The following CNTN1 variants were observed in gnomAD, a reference collection of about 807,000 sequenced individuals.
CNTN1 encodes the protein contactin-1.
Under a neutral mutation model 126.4 loss-of-function variants are expected in CNTN1, and 38 were observed. The ratio of observed to expected loss-of-function variants is 0.30; its 90% CI spans 0.23 to 0.39. The LOEUF is 0.39. Ranked by LOEUF, CNTN1 falls within the 10% of genes least tolerant of loss-of-function variation. CNTN1 has a pLI of 1.00. For synonymous variants in CNTN1, 413 were observed against 422.6 expected (o/e 0.98, Z 0.28); for missense variants, 1,009 against 1,248.4 (o/e 0.81, Z 2.89).
intron 1 of CNTN1, among the ~76,000 whole-genome samples, chr12:40,882,649 A>G (rs766023061): frequency 4.0e-5 from 6 of 151,624 alleles, no homozygotes; most frequent in Non-Finnish European, 8.9e-5. Context: ...CTCAGGATCT[A>G]TGCCATGCCT....
intron 1 of CNTN1, among the ~76,000 whole-genome samples, chr12:40,880,259 T>C (rs1056002814): frequency 6.6e-6 from 1 of 152,086 alleles, no homozygotes; most frequent in South Asian, 2.1e-4. Flanking sequence ...AGCTAGATTT[T>C]AGAGATCCAA....
chr12:40,856,985 ATAAC>A (rs1942935549), intron 1 of CNTN1, among the ~76,000 whole-genome samples: 2 of 152,170 alleles, frequency 1.3e-5, no homozygotes, highest in African/African-American at 4.8e-5. Flanking sequence ...TATACAATAT[ATAAC>A]ACACTGGACA....
At chr12:41,060,212 G>C (rs1007886172) in intron 23 of CNTN1, among the ~76,000 whole-genome samples, 1 of 151,994 alleles carries the variant, frequency 6.6e-6, no homozygotes, top group Non-Finnish European at 1.5e-5. Context: ...GCAATAGAAC[G>C]AGCAATTTTT....
chr12:40,850,186 A>G (rs1001352252), intron 1 of CNTN1, among the ~76,000 whole-genome samples: 2 of 152,142 alleles, frequency 1.3e-5, no homozygotes, highest in Non-Finnish European at 2.9e-5. Context: ...CTCTCCTTCC[A>G]TGGACATGCC....
At chr12:40,919,663 C>T (rs1415902333) in intron 4 of CNTN1, among the ~76,000 whole-genome samples, 2 of 152,046 alleles carry the variant, frequency 1.3e-5, no homozygotes, top group Admixed American at 1.3e-4. Context: ...TATCCCTTTC[C>T]ACCCATTTGA....
At chr12:40,777,333 A>G (rs1275719547) in intron 1 of CNTN1, among the ~76,000 whole-genome samples, 42 of 151,336 alleles carry the variant, frequency 2.8e-4, no homozygotes, top group Non-Finnish European at 8.9e-5. Context: ...TTCTGTGTGT[A>G]TATAATAATA....
At chr12:40,981,317 G>A (rs956667321) in intron 16 of CNTN1, among the ~76,000 whole-genome samples, 18 of 152,016 alleles carry the variant, frequency 1.2e-4, no homozygotes, top group Non-Finnish European at 2.1e-4. Flanking sequence ...GCAAAATGAG[G>A]CCTCCTGGGT....
At position 40,983,889 on chromosome 12, in the gene CNTN1, T is replaced by A. The variant is rs190040424; in HGVS notation, c.1963+2822T>A. Among the ~76,000 whole-genome samples, 230 of 131,062 alleles carry A rather than the reference T, an allele frequency of 1.8e-3. 2 individuals carry two copies. Among genetic ancestry groups the A allele is most frequent in the African/African-American group, 5.1e-3 (178 of 34,658 alleles). 86.0% of individuals were successfully genotyped at this position (131,062 alleles called of 152,430 possible). A position where few individuals can be genotyped will look rare whatever the true frequency, so the allele number is the denominator to read the frequency against. Reference sequence around the variant, plus strand: ...TATAGCATATTTTATTTTATGCTATTATAGCATATTTTATTATATGCTATT... The same window carrying A: ...TATAGCATATTTTATTTTATGCTATAATAGCATATTTTATTATATGCTATT... On this transcript the variant is annotated intron_variant, in intron 16 of 23. Coordinates refer to ENST00000551295, the MANE Select transcript of CNTN1 (RefSeq NM_001843.4).
intron 15 of CNTN1, among the ~76,000 whole-genome samples, chr12:40,967,252 G>A (rs1441723037): frequency 1.3e-5 from 2 of 152,088 alleles, no homozygotes; most frequent in Non-Finnish European, 2.9e-5. Context: ...GGAGGCCAAG[G>A]CGGGTGGATC....
At chr12:40,790,742 C>G (rs6581962) in intron 1 of CNTN1, among the ~76,000 whole-genome samples, 146,074 of 152,072 alleles carry the variant, frequency 0.96, 70,403 homozygotes, top group East Asian at 1. Context: ...ACAAGAAAGG[C>G]TGCGATGTGA....
chr12:40,972,633 C>T, intron 15 of CNTN1: 3 of 927,664 alleles, frequency 3.2e-6, no homozygotes, highest in African/African-American at 3.6e-5. Flanking sequence ...CAAGATGTTA[C>T]TTATTTCCTT....
At chr12:40,901,280 G>T (rs1348053992) in intron 1 of CNTN1, among the ~76,000 whole-genome samples, 1 of 152,160 alleles carries the variant, frequency 6.6e-6, no homozygotes, top group East Asian at 1.9e-4. Flanking sequence ...TCTTGATCTA[G>T]ATCATAAAAA....
intron 12 of CNTN1, among the ~76,000 whole-genome samples, chr12:40,941,377 A>T (rs1946258663): frequency 6.6e-6 from 1 of 152,116 alleles, no homozygotes; most frequent in South Asian, 2.1e-4. Flanking sequence ...AAGAATACAC[A>T]AGGACTAACT....
At chr12:40,828,671 C>A (rs1343083219) in intron 1 of CNTN1, among the ~76,000 whole-genome samples, 1 of 152,158 alleles carries the variant, frequency 6.6e-6, no homozygotes, top group African/African-American at 2.4e-5. Context: ...TTAATGTCAA[C>A]ATTTTCAAAT....
chr12:40,722,512 A>T (rs1013056935), intron 1 of CNTN1, among the ~76,000 whole-genome samples: 9 of 152,192 alleles, frequency 5.9e-5, no homozygotes, highest in Non-Finnish European at 1.2e-4. Flanking sequence ...AGCCACTTGT[A>T]GTTTATTGAG....
intron 1 of CNTN1, among the ~76,000 whole-genome samples, chr12:40,844,091 G>T (rs548537997): frequency 1.7e-3 from 45 of 26,382 alleles, no homozygotes; most frequent in African/African-American, 4.3e-3. Flanking sequence ...TTTTTGAGAC[G>T]GAGTCTCACT....
intron 1 of CNTN1, among the ~76,000 whole-genome samples, chr12:40,893,893 A>C (rs904085285): frequency 7.2e-5 from 11 of 152,210 alleles, no homozygotes; most frequent in African/African-American, 2.4e-4. Flanking sequence ...TTGAATGTCT[A>C]ATGGGAAACT....
intron 1 of CNTN1, among the ~76,000 whole-genome samples, chr12:40,848,915 TA>T (rs1452153474): frequency 1.3e-5 from 2 of 151,286 alleles, no homozygotes; most frequent in Admixed American, 6.6e-5. Context: ...CCCTCTTAAA[TA>T]AAATAATCAA....
chr12:40,716,228 C>T (rs1466959610), intron 1 of CNTN1, among the ~76,000 whole-genome samples: 1 of 151,758 alleles, frequency 6.6e-6, no homozygotes, highest in Non-Finnish European at 1.5e-5. Context: ...TTCTCTCTCT[C>T]TCTGTGTCTC....
Sources: allele counts gnomAD v4.1 joint callset (sites outside exome capture counted in the v4.1 genomes callset), GRCh38; gene constraint gnomAD v4.1.1; transcripts MANE v1.5; gene names NCBI Gene and HGNC (gene_info 2026-07-23, HGNC 2026-07-21).